The following PUDP variants were observed in gnomAD, a reference collection of about 807,000 sequenced individuals.
The protein encoded by PUDP is pseudouridine-5'-phosphatase.
In PUDP, 8 loss-of-function variants were observed where a neutral mutation model predicts 9.4. The ratio of observed to expected loss-of-function variants is 0.85; its 90% CI spans 0.50 to 1.53. The LOEUF is 1.53. PUDP is among the 40% of genes most tolerant of loss of function. The probability of loss-of-function intolerance (pLI) is 0.00; values close to 1 mark genes in which losing one functional copy is unlikely to be tolerated. For synonymous variants in PUDP, 99 were observed against 80.7 expected (o/e 1.23, Z -1.22); for missense variants, 188 against 189.7 (o/e 0.99, Z 0.05).
chrX:7,032,004 A>G (rs1027375914), intron 1 of PUDP, among the ~76,000 whole-genome samples: 20 of 112,255 alleles, frequency 1.8e-4, no homozygotes, highest in Non-Finnish European at 1.9e-5. Context: ...TGTTCAGAAT[A>G]TGTAAAGGAA....
intron 3 of PUDP, among the ~76,000 whole-genome samples, chrX:6,903,465 C>T (rs893958193): frequency 9.0e-6 from 1 of 111,306 alleles, no homozygotes; most frequent in Non-Finnish European, 1.9e-5. Context: ...AAAGAAATCA[C>T]TATATAAAAA....
chrX:7,034,319 C>T (rs186991959), intron 1 of PUDP, among the ~76,000 whole-genome samples: 1 of 111,962 alleles, frequency 8.9e-6, no homozygotes, highest in Non-Finnish European at 1.9e-5. Flanking sequence ...AGTGGTGATA[C>T]TGAGTAACAC....
chrX:6,984,468 G>A (rs1345131470), intron 1 of PUDP, among the ~76,000 whole-genome samples: 2 of 111,822 alleles, frequency 1.8e-5, no homozygotes, highest in African/African-American at 3.3e-5. Context: ...AGTGCCATAA[G>A]TGCTATACAA....
At chrX:7,004,481 G>T (rs1929374560) in intron 1 of PUDP, among the ~76,000 whole-genome samples, 1 of 111,701 alleles carries the variant, frequency 9.0e-6, no homozygotes, top group African/African-American at 3.3e-5. Context: ...AGACTGATAT[G>T]AAATAGTTGA....
intron 3 of PUDP, among the ~76,000 whole-genome samples, chrX:6,830,716 C>T (rs1926491291): frequency 9.0e-6 from 1 of 111,712 alleles, no homozygotes; most frequent in Admixed American, 9.5e-5. Context: ...CAGTGTTTTG[C>T]ACAAAAAAGA....
chrX:7,050,884 GT>G (rs767471232), intron 3 of PUDP, among the ~76,000 whole-genome samples: 3 of 112,494 alleles, frequency 2.7e-5, no homozygotes, highest in Non-Finnish European at 5.6e-5. Context: ...AGCTGCTCCT[GT>G]TTTATGTACT....
chrX:6,761,562 T>C (rs927238191), intron 3 of PUDP, among the ~76,000 whole-genome samples: 2 of 112,366 alleles, frequency 1.8e-5, no homozygotes, highest in Non-Finnish European at 3.8e-5. Context: ...TTGTCATTTC[T>C]AGTCTTTAAA....
chrX:6,764,320 T>C (rs1279770128), intron 3 of PUDP, among the ~76,000 whole-genome samples: 1 of 111,688 alleles, frequency 9.0e-6, no homozygotes, highest in Non-Finnish European at 1.9e-5. Flanking sequence ...GCTGTTGAAA[T>C]GGAATATCAG....
chrX:6,809,304 T>C (rs973270076), intron 3 of PUDP, among the ~76,000 whole-genome samples: 1 of 109,797 alleles, frequency 9.1e-6, no homozygotes, highest in Non-Finnish European at 1.9e-5. Flanking sequence ...ATATGCTTTT[T>C]AAAAATTTTA....
chrX:6,960,217 T>A (rs1256478106), intron 3 of PUDP, among the ~76,000 whole-genome samples: 3 of 112,566 alleles, frequency 2.7e-5, no homozygotes, highest in Non-Finnish European at 5.6e-5. Context: ...GTGGTTTGAA[T>A]GTATCCCCAA....
upstream of PUDP, among the ~76,000 whole-genome samples, chrX:6,725,119 G>A (rs1484745985): frequency 9.0e-6 from 1 of 111,552 alleles, no homozygotes; most frequent in Non-Finnish European, 1.9e-5. Flanking sequence ...GCACAGGTGT[G>A]TTTCCTCCCC....
chrX:7,011,571 A>G (rs1357315951), intron 1 of PUDP, among the ~76,000 whole-genome samples: 1 of 110,630 alleles, frequency 9.0e-6, no homozygotes, highest in African/African-American at 3.3e-5. Flanking sequence ...CCATCTACTT[A>G]TGCACATCAC....
intron 2 of PUDP, among the ~76,000 whole-genome samples, chrX:7,092,473 A>G (rs944378442): frequency 9.0e-6 from 1 of 111,679 alleles, no homozygotes; most frequent in Admixed American, 9.5e-5. Context: ...AATATTTCAT[A>G]GAAATTTCAG....
chrX:7,096,473 G>C (rs1316612228), intron 2 of PUDP, among the ~76,000 whole-genome samples: 1 of 110,451 alleles, frequency 9.1e-6, no homozygotes, highest in East Asian at 2.8e-4. Flanking sequence ...AGTTAGAAGG[G>C]CTTCCAATTT....
rs1389419869 is a variant in PUDP, at chrX:6,816,746, T to A, written c.*248-110280A>T. 4.2e-5 allele frequency among the ~76,000 whole-genome samples: 4 copies of A among 95,609 alleles called. No individual in the cohort carries two copies. In the Admixed American group the frequency reaches 5.1e-4, roughly 12 times the overall value. The allele number at this position is 95,609 out of a possible 115,157, so 83.0% of individuals were successfully genotyped here. On this transcript the variant is annotated intron_variant and NMD_transcript_variant, in intron 3 of 3. Coordinates refer to the PUDP transcript ENST00000655425. Reference sequence around the variant, plus strand: ...ACAATATATATACACACATAGTATATACGATATAGTATATACAATATATAT... The same window carrying A: ...ACAATATATATACACACATAGTATAAACGATATAGTATATACAATATATAT...
chrX:6,763,961 C>A (rs1403311235), intron 3 of PUDP, among the ~76,000 whole-genome samples: 1 of 112,065 alleles, frequency 8.9e-6, no homozygotes, highest in African/African-American at 3.2e-5. Context: ...TGGCTGGTGT[C>A]TTTCTCTTTC....
At chrX:7,040,961 T>G (rs1319244593) in intron 1 of PUDP, among the ~76,000 whole-genome samples, 1 of 111,747 alleles carries the variant, frequency 8.9e-6, no homozygotes, top group East Asian at 2.8e-4. Flanking sequence ...CTGCTGTGCT[T>G]CTTCTTCAAA....
intron 2 of PUDP, among the ~76,000 whole-genome samples, chrX:7,083,060 G>A: frequency 8.9e-6 from 1 of 112,823 alleles, no homozygotes; most frequent in Middle Eastern, 4.7e-3. Flanking sequence ...CCCAGGAGCT[G>A]GGAAAGGCAG....
chrX:6,978,690 G>A (rs1280052300), intron 1 of PUDP, among the ~76,000 whole-genome samples: 1 of 112,276 alleles, frequency 8.9e-6, no homozygotes, highest in Non-Finnish European at 1.9e-5. Flanking sequence ...ATCAATTCTG[G>A]GCCATCTTAG....
Sources: gnomAD v4.1 joint callset for allele counts (sites outside exome capture counted in the v4.1 genomes callset) on GRCh38, gnomAD v4.1.1 for gene constraint, MANE v1.5 for transcripts, NCBI Gene and HGNC (gene_info 2026-07-23, HGNC 2026-07-21) for gene names.